The following ADARB2 variants were observed in gnomAD, a reference collection of about 807,000 sequenced individuals.
The protein encoded by ADARB2 is inactive double-stranded RNA-specific editase B2.
In ADARB2, 25 loss-of-function variants were observed where a neutral mutation model predicts 62.2. The ratio of observed to expected loss-of-function variants is 0.40; its 90% CI spans 0.29 to 0.56. The LOEUF is 0.56. Ranked by LOEUF, ADARB2 falls within the 20% of genes least tolerant of loss-of-function variation. ADARB2 has a pLI of 0.43. For synonymous variants in ADARB2, 572 were observed against 500.8 expected, an observed-to-expected ratio of 1.14 and a Z score of -1.90; for missense variants, 1,071 against 1,077.4, an observed-to-expected ratio of 0.99 and a Z score of 0.08.
Position 1,524,069 on chromosome 10 carries a change from G to A in ADARB2, c.101-144909C>T, listed in dbSNP as rs1832109208. ...TATCCTGGGGATATGAAGATAGATA[G>A]ATAGATAGATAGATAGATAGATAGA... is the stretch of plus-strand genomic sequence containing the variant. On this transcript the variant is annotated intron_variant, in intron 1 of 9. Transcript: ENST00000381312. Among the ~76,000 whole-genome samples, 3 of 151,888 alleles carry A rather than the reference G, an allele frequency of 2.0e-5. No individual in the cohort carries two copies. In the South Asian group the frequency reaches 6.3e-4, roughly 32 times the overall value.
chr10:1,209,552 A>ACACCTACAGCC (rs1837119752), intron 7 of ADARB2, among the ~76,000 whole-genome samples: 1 of 22,906 alleles, frequency 4.4e-5, no homozygotes, highest in African/African-American at 1.0e-4. Context: ...CACCCATGCC[A>ACACCTACAGCC]TCACCCACAC....
chr10:1,530,028 T>C (rs985750173), intron 1 of ADARB2, among the ~76,000 whole-genome samples: 1 of 151,002 alleles, frequency 6.6e-6, no homozygotes, highest in Non-Finnish European at 1.5e-5. Context: ...TGGGCACCTG[T>C]CCACTACCTC....
intron 1 of ADARB2, among the ~76,000 whole-genome samples, chr10:1,442,684 A>G (rs1830920939): frequency 6.6e-6 from 1 of 152,256 alleles, no homozygotes; most frequent in Non-Finnish European, 1.5e-5. Context: ...GAAAAGATCA[A>G]TAAGAACCAA....
chr10:1,199,988 C>A lies in ADARB2; in HGVS notation c.1842G>T (p.Arg614=). The A allele has an allele frequency of 6.4e-7, 1 of 1,567,252 alleles. No individual in the cohort carries two copies. The highest frequency in any genetic ancestry group is 1.7e-5 in the Admixed American group (1 of 58,436). ...EGVGQLPASY[R]HNRPLLSGVS... ...TACCGCTGAGGAGAGGCCGGTTGTG[C>A]CGGTAGGAGGCGGGCAGCTGGCCGA... is the stretch of plus-strand genomic sequence containing the variant. The change falls in exon 8 of 10, where the codon CGG becomes CGT. Residue 614 remains arginine (R), a synonymous_variant. Transcript: ENST00000381312.
At chr10:1,224,063 T>G (rs974320951) in intron 6 of ADARB2, among the ~76,000 whole-genome samples, 1 of 152,212 alleles carries the variant, frequency 6.6e-6, no homozygotes, top group African/African-American at 2.4e-5. Flanking sequence ...CTGGACTTTT[T>G]TTGGTTGGTA....
At chr10:1,266,643 C>G (rs1233010248) in intron 4 of ADARB2, among the ~76,000 whole-genome samples, 2 of 152,196 alleles carry the variant, frequency 1.3e-5, no homozygotes, top group Non-Finnish European at 2.9e-5. Context: ...GACACCAGGC[C>G]AACGCCTACA....
At chr10:1,681,021 A>AC (rs1245787243) in intron 1 of ADARB2, among the ~76,000 whole-genome samples, 5 of 151,988 alleles carry the variant, frequency 3.3e-5, no homozygotes, top group Non-Finnish European at 5.9e-5. Context: ...GGGGTTAGGG[A>AC]CCCCCCTGGA....
chr10:1,464,332 C>T, intron 1 of ADARB2, among the ~76,000 whole-genome samples: 1 of 136,414 alleles, frequency 7.3e-6, no homozygotes, highest in Non-Finnish European at 1.6e-5. Flanking sequence ...AGGGTGGACA[C>T]ACACTCCCCC....
At chr10:1,454,140 G>A (rs370431486) in intron 1 of ADARB2, among the ~76,000 whole-genome samples, 23 of 152,260 alleles carry the variant, frequency 1.5e-4, no homozygotes, top group African/African-American at 4.6e-4. Context: ...CTTACATGGC[G>A]GCAGGTAGGA....
chr10:1,476,788 G>C (rs6560738), intron 1 of ADARB2, among the ~76,000 whole-genome samples: 6 of 151,956 alleles, frequency 3.9e-5, no homozygotes, highest in Non-Finnish European at 8.8e-5. Context: ...CAAGTCACCC[G>C]AGGCCAGCTG....
intron 1 of ADARB2, among the ~76,000 whole-genome samples, chr10:1,507,474 G>A (rs554964512): frequency 2.0e-4 from 30 of 152,208 alleles, no homozygotes; most frequent in Non-Finnish European, 4.0e-4. Flanking sequence ...AAGGCCCCTC[G>A]TGAGCACACA....
At chr10:1,378,686 C>T (rs889336354) in intron 2 of ADARB2, among the ~76,000 whole-genome samples, 1 of 151,886 alleles carries the variant, frequency 6.6e-6, no homozygotes, top group African/African-American at 2.4e-5. Flanking sequence ...GGTGGGACCA[C>T]AGGTGAGGAT....
intron 6 of ADARB2, among the ~76,000 whole-genome samples, chr10:1,232,589 G>A (rs964455531): frequency 2.0e-4 from 26 of 128,526 alleles, no homozygotes; most frequent in African/African-American, 6.2e-4. Context: ...TGGTATGCAT[G>A]TGGTATATGT....
At position 1,216,899 on chromosome 10, in the gene ADARB2, C is replaced by T. The variant is rs1021067467; in HGVS notation, c.1682+52G>A. The stretch of plus-strand genomic sequence containing the variant: ...GGGATGCAGGGAGCCTGGGGCTTGG[C>T]ACTCCCCACCGGCCGCAGCCAACAT... On this transcript the variant is annotated intron_variant, in intron 7 of 9. Coordinates refer to ENST00000381312, the MANE Select transcript of ADARB2 (RefSeq NM_018702.4). The T allele has an allele frequency of 6.3e-6, 10 of 1,581,326 alleles. No individual in the cohort carries two copies. In the African/African-American group the frequency reaches 1.3e-4, roughly 21 times the overall value.
intron 1 of ADARB2, among the ~76,000 whole-genome samples, chr10:1,607,232 G>A (rs939342760): frequency 2.0e-5 from 3 of 152,192 alleles, no homozygotes; most frequent in African/African-American, 7.2e-5. Context: ...CCTGGCCGAG[G>A]TCTCCGAGGG....
At chr10:1,444,030 CATCCATCCATCT>C (rs1254557683) in intron 1 of ADARB2, among the ~76,000 whole-genome samples, 1 of 151,336 alleles carries the variant, frequency 6.6e-6, no homozygotes, top group Non-Finnish European at 1.5e-5. Context: ...TCCATCCATC[CATCCATCCATCT>C]ATCCATCCAT....
At chr10:1,635,271 A>G (rs183342202) in intron 1 of ADARB2, among the ~76,000 whole-genome samples, 45 of 152,332 alleles carry the variant, frequency 3.0e-4, no homozygotes, top group African/African-American at 1.1e-3. Context: ...TTCCCATGTT[A>G]ATTTATTCAA....
chr10:1,724,568 C>A (rs942595087), intron 1 of ADARB2, among the ~76,000 whole-genome samples: 2 of 152,230 alleles, frequency 1.3e-5, no homozygotes, highest in Admixed American at 6.5e-5. Flanking sequence ...GGGTCCCCGA[C>A]AGAAAGTGAT....
chr10:1,532,231 C>G (rs1230923270), intron 1 of ADARB2, among the ~76,000 whole-genome samples: 1 of 152,086 alleles, frequency 6.6e-6, no homozygotes, highest in East Asian at 1.9e-4. Context: ...GAAGACAGAC[C>G]GTTCTGTGAT....
Sources: gnomAD v4.1 joint callset for allele counts (sites outside exome capture counted in the v4.1 genomes callset) on GRCh38, gnomAD v4.1.1 for gene constraint, MANE v1.5 for transcripts, NCBI Gene and HGNC (gene_info 2026-07-23, HGNC 2026-07-21) for gene names.